ADAMTS19: variants seen among roughly 807,000 people sequenced by gnomAD.
ADAMTS19 encodes the protein ADAM metallopeptidase with thrombospondin type 1 motif 19, also known as A disintegrin and metalloproteinase with thrombospondin motifs 19.
Under a neutral mutation model 153.3 loss-of-function variants are expected in ADAMTS19, and 93 were observed. The ratio of observed to expected loss-of-function variants is 0.61; its 90% CI spans 0.51 to 0.72. The LOEUF is 0.72. ADAMTS19 is among the 30% of genes least tolerant of loss of function. The pLI is 0.00. For synonymous variants in ADAMTS19, 600 were observed against 556.6 expected, an observed-to-expected ratio of 1.08 and a Z score of -1.10; for missense variants, 1,482 against 1,552.1, an observed-to-expected ratio of 0.95 and a Z score of 0.76.
chr5:129,486,505 A>G (rs1205334410), intron 2 of ADAMTS19, among the ~76,000 whole-genome samples: 2 of 152,200 alleles, frequency 1.3e-5, no homozygotes, highest in Non-Finnish European at 2.9e-5. Flanking sequence ...TGTGAATTAC[A>G]TGCAGAAAGA....
intron 18 of ADAMTS19, 96 bp from the exon 19 acceptor site, chr5:129,694,624 T>G: frequency 1.1e-6 from 1 of 924,748 alleles, no homozygotes. Flanking sequence ...AAAAGTTTTT[T>G]AAATAAAAAA....
intron 7 of ADAMTS19, among the ~76,000 whole-genome samples, chr5:129,572,178 C>T (rs1753934701): frequency 6.6e-6 from 1 of 151,808 alleles, no homozygotes; most frequent in Admixed American, 6.6e-5. Context: ...GTACTTTGTT[C>T]TGTTAAGGGA....
intron 8 of ADAMTS19, among the ~76,000 whole-genome samples, chr5:129,611,682 G>A (rs1319875881): frequency 6.6e-6 from 1 of 152,090 alleles, no homozygotes; most frequent in Non-Finnish European, 1.5e-5. Flanking sequence ...TGCTGTTTTG[G>A]TTACTGTAGC....
intron 7 of ADAMTS19, among the ~76,000 whole-genome samples, chr5:129,595,472 A>G (rs1750328750): frequency 6.6e-6 from 1 of 152,068 alleles, no homozygotes; most frequent in Non-Finnish European, 1.5e-5. Context: ...ATTATTTCTT[A>G]CCATTATGTT....
intron 2 of ADAMTS19, among the ~76,000 whole-genome samples, chr5:129,474,879 A>G (rs1177596692): frequency 6.6e-6 from 1 of 152,156 alleles, no homozygotes; most frequent in Non-Finnish European, 1.5e-5. Flanking sequence ...AGCCATTGTA[A>G]TATTTGTCAT....
chr5:129,691,769 C>T (rs1207549308), intron 18 of ADAMTS19, among the ~76,000 whole-genome samples: 1 of 152,146 alleles, frequency 6.6e-6, no homozygotes, highest in Non-Finnish European at 1.5e-5. Context: ...TAGAAAACTA[C>T]TAACATGTCC....
chr5:129,702,941 A>AAAAAAATATATATAT, intron 20 of ADAMTS19, among the ~76,000 whole-genome samples: 6 of 29,306 alleles, frequency 2.0e-4, no homozygotes, highest in Admixed American at 4.6e-4. Context: ...AAAAAAAAAA[A>AAAAAAATATATATAT]ATATATATAT....
At chr5:129,685,244 A>C (rs1323367081) in intron 18 of ADAMTS19, among the ~76,000 whole-genome samples, 1 of 152,078 alleles carries the variant, frequency 6.6e-6, no homozygotes, top group Non-Finnish European at 1.5e-5. Flanking sequence ...TTATCTGTAG[A>C]CTAATATTGA....
intron 18 of ADAMTS19, among the ~76,000 whole-genome samples, chr5:129,685,644 A>T (rs1755050336): frequency 1.3e-5 from 2 of 152,162 alleles, no homozygotes; most frequent in Non-Finnish European, 2.9e-5. Context: ...TAGCAGAAGA[A>T]TTGAAGAAAG....
chr5:129,599,768 A>G lies in ADAMTS19; in HGVS notation c.1478+3104A>G, dbSNP rs142259652. On this transcript the variant is annotated intron_variant, in intron 8 of 22. Transcript: ENST00000274487. ...AGGAGCTCAGATTGGAATAGCTCAAATGGTACGAAAATATTATTTTATTTG... is the reference window on the plus strand; with the variant it reads ...AGGAGCTCAGATTGGAATAGCTCAAGTGGTACGAAAATATTATTTTATTTG... Among the ~76,000 whole-genome samples the G allele has an allele frequency of 3.0e-3, 458 of 152,306 alleles. 8 individuals are homozygous for G. Among genetic ancestry groups the G allele is most frequent in the Middle Eastern group, 0.017 (5 of 294 alleles).
rs1043417495 is a variant in ADAMTS19, at chr5:129,738,377, C to T, written c.*1159C>T. 5 of 152,008 alleles carry T rather than the reference C, an allele frequency of 3.3e-5. No individual in the cohort carries two copies. Among genetic ancestry groups the T allele is most frequent in the Admixed American group, 2.6e-4 (4 of 15,218 alleles). 9.4% of individuals were successfully genotyped at this position (152,008 alleles called of 1,614,324 possible). On this transcript the variant is annotated 3_prime_UTR_variant, in exon 23 of 23. Transcript: ENST00000274487. ...ATAGACTTGTCACATATCCACATGTCTGATGAACAAAGGTACTGTCTACTT... is the reference window on the plus strand; with the variant it reads ...ATAGACTTGTCACATATCCACATGTTTGATGAACAAAGGTACTGTCTACTT...
At chr5:129,684,070 C>A in intron 17 of ADAMTS19, 50 bp from the exon 18 acceptor site, 2 of 1,536,908 alleles carry the variant, frequency 1.3e-6, no homozygotes, top group Non-Finnish European at 1.8e-6. Context: ...CTTTACATTG[C>A]ACGTGCTCTA....
At chr5:129,462,825 C>A (rs1442470112) in intron 2 of ADAMTS19, among the ~76,000 whole-genome samples, 1 of 152,096 alleles carries the variant, frequency 6.6e-6, no homozygotes, top group Admixed American at 6.5e-5. Context: ...CTTCATTTTG[C>A]TGTTCATAGT....
intron 2 of ADAMTS19, among the ~76,000 whole-genome samples, chr5:129,494,817 C>T (rs755457487): frequency 5.3e-5 from 8 of 152,082 alleles, no homozygotes; most frequent in Admixed American, 6.6e-5. Context: ...ATCCAAACAT[C>T]GGTTCATTCT....
chr5:129,467,277 C>T (rs532955479), intron 2 of ADAMTS19, among the ~76,000 whole-genome samples: 27 of 152,114 alleles, frequency 1.8e-4, no homozygotes, highest in African/African-American at 6.3e-4. Context: ...ATTAAGTCAG[C>T]GATTCTAGTT....
intron 6 of ADAMTS19, among the ~76,000 whole-genome samples, chr5:129,544,252 A>G (rs1388883036): frequency 6.6e-6 from 1 of 152,232 alleles, no homozygotes; most frequent in African/African-American, 2.4e-5. Flanking sequence ...AAGTAAAATA[A>G]TCCCCACTTG....
intron 13 of ADAMTS19, among the ~76,000 whole-genome samples, chr5:129,650,140 T>C (rs1408655710): frequency 3.3e-5 from 5 of 152,138 alleles, no homozygotes; most frequent in Non-Finnish European, 7.4e-5. Flanking sequence ...CACTTTACTC[T>C]AGCCTGGGTG....
chr5:129,639,571 G>T lies in ADAMTS19; in HGVS notation c.1771-2288G>T, dbSNP rs138578630. 8.9e-4 allele frequency among the ~76,000 whole-genome samples: 136 copies of T among 152,234 alleles called. 1 individual carries two copies. Among genetic ancestry groups the T allele is most frequent in the African/African-American group, 3.0e-3 (124 of 41,540 alleles). The stretch of plus-strand genomic sequence containing the variant: ...GTGGGAATCAATGAGAGTACCTGCC[G>T]TTTCAAATAGCAGCAGATAATGGTG... On this transcript the variant is annotated intron_variant, in intron 10 of 22. Coordinates refer to ENST00000274487, the MANE Select transcript of ADAMTS19 (RefSeq NM_133638.6).
intron 18 of ADAMTS19, among the ~76,000 whole-genome samples, chr5:129,686,818 G>T (rs908464854): frequency 6.6e-6 from 1 of 152,140 alleles, no homozygotes; most frequent in Admixed American, 6.5e-5. Flanking sequence ...AGGATAAAAA[G>T]TGGTTACAAC....
Sources: gnomAD v4.1 joint callset for allele counts (sites outside exome capture counted in the v4.1 genomes callset) on GRCh38, gnomAD v4.1.1 for gene constraint, MANE v1.5 for transcripts, NCBI Gene and HGNC (gene_info 2026-07-23, HGNC 2026-07-21) for gene names.